DNAH5: variants seen among roughly 807,000 people sequenced by gnomAD.
The protein encoded by DNAH5 is axonemal beta dynein heavy chain 5.
Under a neutral mutation model 518.2 loss-of-function variants are expected in DNAH5, and 372 were observed. The observed-to-expected ratio is 0.72, with a 90% confidence interval of 0.66 to 0.78. The LOEUF (loss-of-function observed/expected upper bound fraction) is 0.78. Among genes scored for constraint, DNAH5 ranks in the 30% least tolerant of loss-of-function variants. The pLI is 0.00. For missense variants in DNAH5, 5,523 were observed against 5,687.0 expected, an observed-to-expected ratio of 0.97 and a Z score of 0.93; for synonymous variants, 2,039 against 2,025.9, an observed-to-expected ratio of 1.01 and a Z score of -0.17.
chr5:13,719,238 A>C, intron 71 of DNAH5, 137 bp from the exon 72 acceptor site: 1 of 773,914 alleles, frequency 1.3e-6, no homozygotes, highest in South Asian at 1.6e-5. Context: ...GGTCAAATCT[A>C]AGAAAACAAA....
chr5:13,901,108 T>C, intron 14 of DNAH5, 144 bp downstream of exon 14: 1 of 812,892 alleles, frequency 1.2e-6, no homozygotes, highest in Non-Finnish European at 2.0e-6. Context: ...TGTGGACATA[T>C]TACACTCTGA....
Position 13,824,196 on chromosome 5 carries a change from T to C in DNAH5, c.6579+3A>G, listed in dbSNP as rs727502976. ...GTGGAACACTTCCATCTGTGAGTCT[T>C]ACCAGTTTAGAAAGATTCATGTCCC... On this transcript the variant is annotated splice_donor_region_variant and intron_variant, in intron 39 of 78. Coordinates refer to ENST00000265104, the MANE Select transcript of DNAH5 (RefSeq NM_001369.3). The C allele has an allele frequency of 9.3e-6, 15 of 1,613,898 alleles. No individual in the cohort carries two copies. The highest frequency in any genetic ancestry group is 1.3e-5 in the Non-Finnish European group (15 of 1,179,954).
chr5:13,856,280 A>G (rs1767624632), intron 30 of DNAH5, among the ~76,000 whole-genome samples: 1 of 152,218 alleles, frequency 6.6e-6, no homozygotes. Context: ...AAGAGAGAAG[A>G]ATCAAATAGA....
intron 12 of DNAH5, among the ~76,000 whole-genome samples, chr5:13,903,990 GA>G (rs1382506817): frequency 6.6e-6 from 1 of 152,072 alleles, no homozygotes; most frequent in Non-Finnish European, 1.5e-5. Context: ...TAACAAGTTT[GA>G]AAAGTTTAGC....
chr5:13,738,010 C>T (rs1019243662), intron 65 of DNAH5, among the ~76,000 whole-genome samples: 2 of 151,172 alleles, frequency 1.3e-5, no homozygotes, highest in South Asian at 2.1e-4. Flanking sequence ...TTGCAGTGAG[C>T]TGAGATCATG....
intron 71 of DNAH5, among the ~76,000 whole-genome samples, chr5:13,719,666 T>C (rs1440974813): frequency 6.6e-6 from 1 of 152,030 alleles, no homozygotes; most frequent in Non-Finnish European, 1.5e-5. Context: ...CAAAACAGGG[T>C]CTAGATTGGA....
chr5:13,981,040 G>A (rs1018086219), intron 1 of DNAH5, among the ~76,000 whole-genome samples: 2 of 152,164 alleles, frequency 1.3e-5, no homozygotes, highest in Non-Finnish European at 2.9e-5. Flanking sequence ...AGCAAGCCCT[G>A]ACTCCCACCC....
rs144423654 is a variant in DNAH5 at position 13,755,076 on chromosome 5, A to G, written c.10420-738T>C. Among the ~76,000 whole-genome samples, 400 of 152,206 alleles carry G rather than the reference A, an allele frequency of 2.6e-3. 4 individuals are homozygous for G. The highest frequency in any genetic ancestry group is 9.4e-3 in the African/African-American group (389 of 41,558). On this transcript the variant is annotated intron_variant, in intron 61 of 78. Transcript: ENST00000265104. ...AGAATCACTTGAACCTGGGAGGTGG[A>G]GATTGCAGTGAGCCAAGATCGTGCC... is the stretch of plus-strand genomic sequence containing the variant.
chr5:13,855,832 A>T (rs989502739), intron 30 of DNAH5, among the ~76,000 whole-genome samples: 2 of 152,232 alleles, frequency 1.3e-5, no homozygotes, highest in Admixed American at 1.3e-4. Context: ...AGAACTCAAG[A>T]TTAAGAAACT....
At chr5:13,769,231 CT>C in intron 57 of DNAH5, 95 bp from the exon 58 acceptor site, 2 of 1,243,990 alleles carry the variant, frequency 1.6e-6, no homozygotes, top group Non-Finnish European at 2.3e-6. Context: ...ATTTTGTTCA[CT>C]TACCCAGTTT....
chr5:13,872,213 T>C (rs1770227529), intron 22 of DNAH5, among the ~76,000 whole-genome samples: 1 of 152,164 alleles, frequency 6.6e-6, no homozygotes, highest in Non-Finnish European at 1.5e-5. Context: ...TCAATGGGAA[T>C]CTACTGACAT....
intron 3 of DNAH5, among the ~76,000 whole-genome samples, chr5:13,926,810 C>T (rs1172263130): frequency 1.3e-5 from 2 of 152,146 alleles, no homozygotes; most frequent in Non-Finnish European, 2.9e-5. Context: ...TCCAGTGCTC[C>T]GTTCATGGAT....
intron 54 of DNAH5, 112 bp from the exon 55 acceptor site, chr5:13,776,818 T>C: frequency 1.7e-6 from 2 of 1,204,892 alleles, no homozygotes; most frequent in Admixed American, 4.2e-5. Flanking sequence ...TGAACTCACC[T>C]ACAGAAAATT....
intron 1 of DNAH5, among the ~76,000 whole-genome samples, chr5:13,960,118 A>AC (rs1483486395): frequency 2.0e-5 from 3 of 152,054 alleles, no homozygotes; most frequent in Non-Finnish European, 4.4e-5. Context: ...CTTCAAAAAA[A>AC]AAAAAAAATC....
chr5:13,960,851 C>CA (rs1215842140), intron 1 of DNAH5, among the ~76,000 whole-genome samples: 1 of 152,218 alleles, frequency 6.6e-6, no homozygotes, highest in African/African-American at 2.4e-5. Flanking sequence ...CACGTGTGCC[C>CA]ACTTCCATGG....
chr5:13,826,167 T>A (rs554773855), intron 38 of DNAH5, among the ~76,000 whole-genome samples: 1 of 152,308 alleles, frequency 6.6e-6, no homozygotes, highest in East Asian at 1.9e-4. Flanking sequence ...TCACAGAATG[T>A]TCACCAAGAC....
rs1275201577 is a variant in DNAH5 at position 13,776,445 on chromosome 5, C to T, written c.9367G>A (p.Val3123Ile). The part of the protein sequence containing the change: ...WFSRWPKDAL[V>I]AVSEHFLTSY... ...TAAACATTTCCATACTAACCAGCAA[C>T]TAAAGCATCTTTGGGCCATCGGCTG... The change falls in exon 55 of 79, where the codon GTT becomes ATT. Residue 3123 changes from valine (V) to isoleucine (I), a missense_variant. By Grantham distance (29) the Val-to-Ile change is conservative. Transcript: ENST00000265104. 6.2e-7 allele frequency: 1 copy of T among 1,613,746 alleles called. No homozygotes were observed. Among genetic ancestry groups the T allele is most frequent in the Non-Finnish European group, 8.5e-7 (1 of 1,179,712 alleles).
chr5:13,981,726 A>G (rs747890615), intron 1 of DNAH5, among the ~76,000 whole-genome samples: 1 of 152,154 alleles, frequency 6.6e-6, no homozygotes, highest in East Asian at 1.9e-4. Context: ...TAACAGATCA[A>G]TATCTTGATC....
intron 1 of DNAH5, among the ~76,000 whole-genome samples, chr5:14,011,493 C>T (rs1476145204): frequency 6.6e-6 from 1 of 152,166 alleles, no homozygotes; most frequent in East Asian, 1.9e-4. Context: ...GCTTTTGGCC[C>T]CCAAACTCTG....
Sources: allele counts gnomAD v4.1 joint callset (sites outside exome capture counted in the v4.1 genomes callset), GRCh38; gene constraint gnomAD v4.1.1; transcripts MANE v1.5; gene names NCBI Gene and HGNC (gene_info 2026-07-23, HGNC 2026-07-21).